The following CSNK1G1 variants were observed in gnomAD, a reference collection of about 807,000 sequenced individuals.
The protein encoded by CSNK1G1 is casein kinase I isoform gamma-1.
Under a neutral mutation model 59.6 loss-of-function variants are expected in CSNK1G1, and 22 were observed. That is an observed-to-expected ratio of 0.37 (90% confidence interval 0.26 to 0.53). The LOEUF is 0.53. CSNK1G1 is among the 20% of genes least tolerant of loss of function. CSNK1G1 has a pLI of 0.89. For missense variants in CSNK1G1, 384 were observed against 519.5 expected (o/e 0.74, Z 2.54); for synonymous variants, 179 against 177.1 (o/e 1.01, Z -0.08).
chr15:64,206,103 C>T (rs374580919), intron 7 of CSNK1G1, among the ~76,000 whole-genome samples: 1 of 152,138 alleles, frequency 6.6e-6, no homozygotes, highest in Non-Finnish European at 1.5e-5. Context: ...GTCAGGAGCT[C>T]GAGACCAGCC....
chr15:64,321,878 C>G (rs1423723448), intron 1 of CSNK1G1, among the ~76,000 whole-genome samples: 1 of 152,180 alleles, frequency 6.6e-6, no homozygotes, highest in Non-Finnish European at 1.5e-5. Flanking sequence ...GACATAAAGC[C>G]TGAATTATTT....
chr15:64,276,905 C>T (rs1319922161), intron 2 of CSNK1G1, among the ~76,000 whole-genome samples: 9 of 149,764 alleles, frequency 6.0e-5, no homozygotes, highest in Non-Finnish European at 8.9e-5. Flanking sequence ...CAAGATCGCA[C>T]CAGTGCACTC....
At chr15:64,212,561 T>C (rs574396851) in intron 6 of CSNK1G1, among the ~76,000 whole-genome samples, 1 of 152,136 alleles carries the variant, frequency 6.6e-6, no homozygotes, top group South Asian at 2.1e-4. Flanking sequence ...TAAAAAAATT[T>C]AGAAGTTAGC....
chr15:64,243,007 G>T (rs748794131), intron 4 of CSNK1G1, among the ~76,000 whole-genome samples: 1 of 151,920 alleles, frequency 6.6e-6, no homozygotes, highest in Non-Finnish European at 1.5e-5. Context: ...CACAGAAAAG[G>T]CATTTGATAA....
At chr15:64,312,111 C>T (rs551695187) in intron 1 of CSNK1G1, among the ~76,000 whole-genome samples, 52 of 151,914 alleles carry the variant, frequency 3.4e-4, no homozygotes, top group African/African-American at 1.2e-3. Context: ...TAAGAGAGGA[C>T]ACAAATGGAA....
chr15:64,247,741 C>T (rs978006631), intron 4 of CSNK1G1, among the ~76,000 whole-genome samples: 2 of 152,120 alleles, frequency 1.3e-5, no homozygotes, highest in African/African-American at 4.8e-5. Flanking sequence ...GTCCAAAAGG[C>T]CAAGGTAATG....
intron 4 of CSNK1G1, among the ~76,000 whole-genome samples, chr15:64,241,792 T>C (rs1181939358): frequency 6.7e-6 from 1 of 149,396 alleles, no homozygotes; most frequent in African/African-American, 2.5e-5. Flanking sequence ...TAATGATGCA[T>C]ATCAAGAAAC....
chr15:64,309,105 C>T (rs1410188125), intron 1 of CSNK1G1, among the ~76,000 whole-genome samples: 1 of 152,100 alleles, frequency 6.6e-6, no homozygotes, highest in Non-Finnish European at 1.5e-5. Context: ...TTAGTTTTCA[C>T]CTTAAATGTC....
rs2081602197 is a variant in CSNK1G1 at position 64,166,272 on chromosome 15, CATG to C, written c.*5656_*5658del. Reference sequence around the variant, plus strand: ...TAAATAATAATATAATAAATTAGAGCATGTAATACATCCTATGGGAATTGCTGA... The same window carrying C: ...TAAATAATAATATAATAAATTAGAGCTAATACATCCTATGGGAATTGCTGA... On this transcript the variant is annotated 3_prime_UTR_variant, in exon 12 of 12. Transcript: ENST00000303052. This position sits in a 1 kb window ranked among gnomAD's most constrained non-coding sequence, Gnocchi z 4.5. 2 of 368,150 alleles carry C rather than the reference CATG, an allele frequency of 5.4e-6. No individual in the cohort carries two copies. The allele number at this position is 368,150 out of a possible 1,614,324, so 22.8% of individuals were successfully genotyped here.
chr15:64,309,309 AACACACACACACACACAC>A (rs66467610), intron 1 of CSNK1G1, among the ~76,000 whole-genome samples: 4 of 146,386 alleles, frequency 2.7e-5, no homozygotes, highest in Non-Finnish European at 6.0e-5. Flanking sequence ...TAGTGAATAA[AACACACACACACACACAC>A]ACACACACAC....
At position 64,167,622 on chromosome 15, in the gene CSNK1G1, T is replaced by C. The variant is rs2081617105; in HGVS notation, c.*4309A>G. ...CGTGGCAAAGGCAATGTTGGCTGTA[T>C]GGTGTTGCAGGCTCCCAATCTGAGA... is the stretch of plus-strand genomic sequence containing the variant. On this transcript the variant is annotated 3_prime_UTR_variant, in exon 12 of 12. Coordinates refer to ENST00000303052, the MANE Select transcript of CSNK1G1 (RefSeq NM_022048.5). The C allele has an allele frequency of 6.5e-6, 1 of 152,734 alleles. No homozygotes were observed. Among genetic ancestry groups the C allele is most frequent in the South Asian group, 2.1e-4 (1 of 4,830 alleles). The allele number at this position is 152,734 out of a possible 1,614,324, so 9.5% of individuals were successfully genotyped here. A position where few individuals can be genotyped will look rare whatever the true frequency, so the allele number is the denominator to read the frequency against.
chr15:64,235,525 A>C (rs369775461), intron 4 of CSNK1G1, among the ~76,000 whole-genome samples: 15 of 152,342 alleles, frequency 9.8e-5, no homozygotes, highest in African/African-American at 3.6e-4. Flanking sequence ...AAAACGAAAA[A>C]AACCTCATTG....
At position 64,204,517 on chromosome 15, in the gene CSNK1G1, C is replaced by T. The variant is rs774073934; in HGVS notation, c.923G>A (p.Arg308Gln). 1.2e-5 allele frequency: 20 copies of T among 1,613,646 alleles called. No homozygotes were observed. Among genetic ancestry groups the T allele is most frequent in the Non-Finnish European group, 1.6e-5 (19 of 1,179,852 alleles). ...FFEKPDYEYL[R>Q]TLFTDLFEKK... Reference sequence around the variant, plus strand: ...TTCAAAGAGGTCTGTGAAGAGGGTCCGTAAATACTCATAATCAGGTTTTTC... The same window carrying T: ...TTCAAAGAGGTCTGTGAAGAGGGTCTGTAAATACTCATAATCAGGTTTTTC... Residue 308 changes from arginine to glutamine, a missense_variant, in exon 9 of 12, where the codon CGG becomes CAG. Physicochemically the swap from Arg to Gln is conservative, Grantham distance 43 (BLOSUM62 1). Transcript: ENST00000303052.
Position 64,171,958 on chromosome 15 carries a change from C to T in CSNK1G1, c.1242G>A (p.Arg414=). The T allele has an allele frequency of 1.9e-6, 3 of 1,614,168 alleles. No individual in the cohort carries two copies. Among genetic ancestry groups the T allele is most frequent in the Non-Finnish European group, 2.5e-6 (3 of 1,180,020 alleles). ...AKCCCFFKRK[R]KKTAQRHK is the part of the protein sequence containing the mutation. ...ACTTGTGGCGCTGAGCAGTCTTCTTCCTTTTCCTCTTAAAGAAACAGCAGC... is the reference window on the plus strand; with the variant it reads ...ACTTGTGGCGCTGAGCAGTCTTCTTTCTTTTCCTCTTAAAGAAACAGCAGC... Residue 414 remains arginine, a synonymous_variant, in exon 12 of 12, where the codon AGG becomes AGA. Transcript: ENST00000303052. This position sits in a 1 kb window ranked among gnomAD's most constrained non-coding sequence, Gnocchi z 4.8.
At chr15:64,234,205 C>T (rs1259258998) in intron 4 of CSNK1G1, among the ~76,000 whole-genome samples, 1 of 151,996 alleles carries the variant, frequency 6.6e-6, no homozygotes, top group Non-Finnish European at 1.5e-5. Context: ...TTTTCAAACA[C>T]CCCCCTCACC....
At chr15:64,305,010 C>G (rs1289461791) in intron 1 of CSNK1G1, among the ~76,000 whole-genome samples, 1 of 152,094 alleles carries the variant, frequency 6.6e-6, no homozygotes, top group African/African-American at 2.4e-5. Flanking sequence ...ATCCTACTGT[C>G]CAAAACAGAA....
At chr15:64,199,588 C>T (rs2082081870) in intron 10 of CSNK1G1, among the ~76,000 whole-genome samples, 1 of 152,204 alleles carries the variant, frequency 6.6e-6, no homozygotes, top group Non-Finnish European at 1.5e-5. Context: ...GGCGCGGTGG[C>T]TCATGCCTGT....
At chr15:64,191,779 A>G (rs1210070468) in intron 10 of CSNK1G1, among the ~76,000 whole-genome samples, 2 of 152,192 alleles carry the variant, frequency 1.3e-5, no homozygotes, top group Non-Finnish European at 2.9e-5. Flanking sequence ...ACTGCCCGCC[A>G]ATGCCTTCTG....
intron 4 of CSNK1G1, among the ~76,000 whole-genome samples, chr15:64,224,128 C>CAACA (rs1202651259): frequency 6.6e-6 from 1 of 152,158 alleles, no homozygotes; most frequent in African/African-American, 2.4e-5. Context: ...CTATGAAGGA[C>CAACA]AACAACCTTG....
Sources: allele counts gnomAD v4.1 joint callset (sites outside exome capture counted in the v4.1 genomes callset), GRCh38; gene constraint gnomAD v4.1.1; non-coding constraint Gnocchi (gnomAD v3.1); transcripts MANE v1.5; gene names NCBI Gene and HGNC (gene_info 2026-07-23, HGNC 2026-07-21).